The following ELN variants were observed in gnomAD, a reference collection of about 807,000 sequenced individuals.
ELN encodes the protein elastin, also known as tropoelastin.
A neutral mutation model predicts 105.8 loss-of-function variants in ELN; 65 were observed. The ratio of observed to expected loss-of-function variants is 0.61; its 90% confidence interval spans 0.50 to 0.75. ELN has a LOEUF of 0.75. Among genes scored for constraint, ELN ranks in the 30% least tolerant of loss-of-function variants. The pLI is 0.00. For missense variants in ELN, 882 were observed against 969.4 expected, an observed-to-expected ratio of 0.91 and a Z score of 1.20; for synonymous variants, 368 against 389.2, an observed-to-expected ratio of 0.95 and a Z score of 0.64.
chr7:74,038,047 A>T, intron 4 of ELN: 1 of 416,076 alleles, frequency 2.4e-6, no homozygotes, highest in Admixed American at 3.6e-5. Flanking sequence ...TGCAAAGGAG[A>T]GGCTGTTAGA....
chr7:74,045,389 G>A lies in ELN; in HGVS notation c.541+96G>A. 4 of 1,392,968 alleles carry A rather than the reference G, an allele frequency of 2.9e-6. No individual in the cohort carries two copies. The Admixed American group carries it at 5.6e-5, about 19-fold the overall frequency. 86.3% of individuals were successfully genotyped at this position (1,392,968 alleles called of 1,614,324 possible). On this transcript the variant is annotated intron_variant, in intron 10 of 32. Coordinates refer to ENST00000252034, the MANE Select transcript of ELN (RefSeq NM_000501.4). ...TGGGGTGGGATCCTGGACTGGCTCA[G>A]GGCCCTCTGGGTGACACTTTTTATG...
intron 6 of ELN, 45 bp downstream of exon 6, chr7:74,042,751 G>A (rs781947240): frequency 2.5e-5 from 40 of 1,604,332 alleles, no homozygotes; most frequent in Admixed American, 2.0e-4. Flanking sequence ...TCTGGCTTCC[G>A]TGGGGCCCTC....
In ELN at chr7:74,043,156, G is replaced by T; in HGVS notation, c.415G>T (p.Gly139Trp). The T allele has an allele frequency of 6.2e-7, 1 of 1,604,258 alleles. No homozygotes were observed. The change falls in exon 8 of 33, where the codon GGG (glycine) becomes TGG (tryptophan). Residue 139 changes from glycine to tryptophan, a missense_variant. By Grantham distance (184) the Gly-to-Trp change is radical (BLOSUM62 -2). Coordinates refer to ENST00000252034, the MANE Select transcript of ELN (RefSeq NM_000501.4). ...TCAGCCTGGAGCCGGAGTGAAGCCT[G>T]GGAAAGTGCCGGGTCAGTGCGGAAT... ...VPQPGAGVKPGKVPGVGLPGV... is the reference protein window; with the variant it reads ...VPQPGAGVKPWKVPGVGLPGV...
At chr7:74,061,378 G>A (rs1001545357) in intron 26 of ELN, among the ~76,000 whole-genome samples, 2 of 152,132 alleles carry the variant, frequency 1.3e-5, no homozygotes, top group African/African-American at 4.8e-5. Flanking sequence ...TTAGCCAGGC[G>A]TGGTGGCGGG....
chr7:74,067,294 G>A (rs1798165781), intron 32 of ELN, among the ~76,000 whole-genome samples: 1 of 151,536 alleles, frequency 6.6e-6, no homozygotes, highest in South Asian at 2.1e-4. Flanking sequence ...TTGAGATGGA[G>A]TCTTGCTCTG....
At chr7:74,064,206 C>CAGG (rs1367876188) in intron 29 of ELN, among the ~76,000 whole-genome samples, 32 of 151,512 alleles carry the variant, frequency 2.1e-4, no homozygotes, top group East Asian at 1.6e-3. Context: ...ATCACGAGGT[C>CAGG]AGATCAAGAC....
At chr7:74,046,087 T>TG in intron 10 of ELN, 101 bp from the exon 11 acceptor site, 1 of 1,507,890 alleles carries the variant, frequency 6.6e-7, no homozygotes. Context: ...ATGACTGGTC[T>TG]GGGAAGAACT....
At chr7:74,042,231 G>T (rs1791390749) in intron 5 of ELN, among the ~76,000 whole-genome samples, 1 of 150,708 alleles carries the variant, frequency 6.6e-6, no homozygotes, top group Admixed American at 6.6e-5. Flanking sequence ...ACCAGCCTGG[G>T]CAACATGGTA....
intron 15 of ELN, among the ~76,000 whole-genome samples, chr7:74,050,313 T>C (rs1793736037): frequency 5.1e-5 from 7 of 137,210 alleles, no homozygotes; most frequent in South Asian, 4.8e-4. Context: ...ATGCATCCAT[T>C]CCTCCATGCA....
chr7:74,066,072 G>A, intron 31 of ELN, 75 bp downstream of exon 31: 1 of 1,601,818 alleles, frequency 6.2e-7, no homozygotes, highest in Non-Finnish European at 8.5e-7. Context: ...TCTAGCAGTG[G>A]GGACTCCCAG....
intron 12 of ELN, among the ~76,000 whole-genome samples, chr7:74,047,471 G>A (rs1792844506): frequency 6.6e-6 from 1 of 152,218 alleles, no homozygotes; most frequent in African/African-American, 2.4e-5. Flanking sequence ...AATTTGTAGG[G>A]GGATGGGTGT....
chr7:74,049,916 TCAATCCATACA>T, intron 15 of ELN, among the ~76,000 whole-genome samples: 1 of 14,502 alleles, frequency 6.9e-5, no homozygotes, highest in Non-Finnish European at 1.5e-4. Flanking sequence ...CATCCATACA[TCAATCCATACA>T]TCAATCCACC....
chr7:74,063,410 A>C lies in ELN; in HGVS notation c.1918+41A>C. On this transcript the variant is annotated intron_variant, in intron 28 of 32. Coordinates refer to ENST00000252034, the MANE Select transcript of ELN (RefSeq NM_000501.4). The surrounding 1 kb of genome is among the most constrained non-coding windows in gnomAD (Gnocchi z 4.1). ...AGGTGGGAGCTGCCGCCAGGCCCCC[A>C]GGCCCCCAGGGTGTGGGAGGAGCTT... 1.3e-6 allele frequency: 2 copies of C among 1,544,676 alleles called. No homozygotes were observed.
Position 74,068,896 on chromosome 7 carries a change from C to T in ELN, c.*196C>T, listed in dbSNP as rs1798559603. ...CGGCCAAGTGCCCCGACCAGGAGGC[C>T]CCCTACTTCAGAGGCAAGGGCCATG... is the stretch of plus-strand genomic sequence containing the variant. On this transcript the variant is annotated 3_prime_UTR_variant, in exon 33 of 33. Transcript: ENST00000252034. 1 of 659,408 alleles carries T rather than the reference C, an allele frequency of 1.5e-6. No homozygotes were observed. The allele number at this position is 659,408 out of a possible 1,614,324, so 40.8% of individuals were successfully genotyped here.
chr7:74,068,613 G>A, intron 32 of ELN, 44 bp from the exon 33 acceptor site: 1 of 1,613,644 alleles, frequency 6.2e-7, no homozygotes, highest in South Asian at 1.1e-5. Flanking sequence ...AGCCGAAACT[G>A]AGAGGGGCCG....
chr7:74,056,136 T>C (rs896228293), intron 19 of ELN, 135 bp from the exon 20 acceptor site: 5 of 1,177,792 alleles, frequency 4.2e-6, no homozygotes, highest in Non-Finnish European at 6.3e-6. Flanking sequence ...GACCCAGGCA[T>C]CCCAGTTTTC....
chr7:74,052,938 AAG>A (rs1334983121), intron 17 of ELN: 1 of 596,844 alleles, frequency 1.7e-6, no homozygotes. Context: ...AAGAAAAAGA[AAG>A]AGATCACATT....
intron 1 of ELN, among the ~76,000 whole-genome samples, chr7:74,029,667 C>A (rs932802297): frequency 1.3e-5 from 2 of 152,130 alleles, no homozygotes; most frequent in African/African-American, 4.8e-5. Flanking sequence ...TACCCACAGG[C>A]GGGCCCCAGC....
chr7:74,065,669 G>A (rs1169867985), intron 29 of ELN, 25 bp from the exon 30 acceptor site: 4 of 1,611,696 alleles, frequency 2.5e-6, no homozygotes, highest in Non-Finnish European at 3.4e-6. Flanking sequence ...GCATTCCTGA[G>A]CCGTCATGTG....
Sources: gnomAD v4.1 joint callset for allele counts (sites outside exome capture counted in the v4.1 genomes callset) on GRCh38, gnomAD v4.1.1 for gene constraint, Gnocchi (gnomAD v3.1) non-coding constraint, MANE v1.5 for transcripts, NCBI Gene and HGNC (gene_info 2026-07-23, HGNC 2026-07-21) for gene names.